Variants in LINGO2 observed in about 807,000 individuals in gnomAD.
The protein encoded by LINGO2 is leucine-rich repeat and immunoglobulin-like domain-containing nogo receptor-interacting protein 2.
LINGO2 carries 14 observed loss-of-function variants against 30.6 expected under a neutral mutation model. The ratio of observed to expected loss-of-function variants is 0.46; its 90% CI spans 0.30 to 0.72. The LOEUF is 0.72. LINGO2 is among the 30% of genes least tolerant of loss of function. LINGO2 has a pLI of 0.07. For synonymous variants in LINGO2, 317 were observed against 288.5 expected (o/e 1.10, Z -1.00); for missense variants, 729 against 751.7 (o/e 0.97, Z 0.35).
chr9:28,670,053 G>A (rs1274138384), intron 1 of LINGO2, 147 bp downstream of exon 3: 1 of 150,980 alleles, frequency 6.6e-6, no homozygotes, highest in East Asian at 1.9e-4. Context: ...CAAATTAGAG[G>A]AACTAATTAA....
chr9:28,243,808 G>C (rs1455170962), intron 4 of LINGO2, among the ~76,000 whole-genome samples: 1 of 152,072 alleles, frequency 6.6e-6, no homozygotes, highest in Admixed American at 6.6e-5. Flanking sequence ...CAATACAAGA[G>C]CACCCAGATT....
At chr9:28,399,401 G>T (rs902369112) in intron 2 of LINGO2, among the ~76,000 whole-genome samples, 3 of 152,092 alleles carry the variant, frequency 2.0e-5, no homozygotes, top group Non-Finnish European at 4.4e-5. Flanking sequence ...AATATTGGAA[G>T]TGTTAGACTG....
the LINGO2 span, among the ~76,000 whole-genome samples, chr9:28,731,518 T>G: frequency 6.6e-6 from 1 of 152,124 alleles, no homozygotes; most frequent in East Asian, 1.9e-4. Flanking sequence ...AACAGCTTAA[T>G]TGCTGCCAGG....
the LINGO2 span, among the ~76,000 whole-genome samples, chr9:29,018,922 A>G: frequency 1.3e-5 from 2 of 152,286 alleles, no homozygotes; most frequent in African/African-American, 4.8e-5. Flanking sequence ...ATGAGCAAAA[A>G]GACTTGAAGA....
intron 2 of LINGO2, among the ~76,000 whole-genome samples, chr9:28,441,803 T>G (rs1388372121): frequency 6.6e-6 from 1 of 152,182 alleles, no homozygotes; most frequent in Non-Finnish European, 1.5e-5. Flanking sequence ...AGTCACCTAT[T>G]ACTTGAGATT....
chr9:28,147,153 T>C lies in LINGO2; in HGVS notation c.-86-134748A>G, dbSNP rs530274917. On this transcript the variant is annotated intron_variant, in intron 4 of 5. Transcript: ENST00000379992. The surrounding 1 kb of genome is among the most constrained non-coding windows in gnomAD (Gnocchi z 4.7). ...GTGAAGACCTCCTTCGAGGTGTTCATGTGCTTATTACAGATATGCCATGGT... is the reference window on the plus strand; with the variant it reads ...GTGAAGACCTCCTTCGAGGTGTTCACGTGCTTATTACAGATATGCCATGGT... 1.3e-5 allele frequency among the ~76,000 whole-genome samples: 2 copies of C among 152,324 alleles called. No homozygotes were observed. Among genetic ancestry groups the C allele is most frequent in the South Asian group, 2.1e-4 (1 of 4,824 alleles).
At chr9:28,450,695 C>G (rs577732288) in intron 2 of LINGO2, among the ~76,000 whole-genome samples, 1 of 152,090 alleles carries the variant, frequency 6.6e-6, no homozygotes, top group African/African-American at 2.4e-5. Context: ...TCAATCCATG[C>G]CGTATGTCAA....
chr9:29,164,523 C>A, the LINGO2 span, among the ~76,000 whole-genome samples: 1 of 127,456 alleles, frequency 7.8e-6, no homozygotes, highest in Admixed American at 1.1e-4. Flanking sequence ...AGGGATACTA[C>A]TTGAAACATA....
Position 28,220,450 on chromosome 9 carries a change from A to T in LINGO2, c.-87+74758T>A, listed in dbSNP as rs535431638. Among the ~76,000 whole-genome samples, 533 of 152,318 alleles carry T rather than the reference A, an allele frequency of 3.5e-3. 3 individuals are homozygous for T. Among genetic ancestry groups the T allele is most frequent in the African/African-American group, 0.012 (515 of 41,570 alleles). Reference sequence around the variant, plus strand: ...CCAGGAGCACACAGTAGGATGTCATATAAACAGATCCAAATGAAGAATAAA... The same window carrying T: ...CCAGGAGCACACAGTAGGATGTCATTTAAACAGATCCAAATGAAGAATAAA... On this transcript the variant is annotated intron_variant, in intron 4 of 5. Transcript: ENST00000379992.
chr9:28,015,723 A>T (rs1822796488), intron 4 of LINGO2, among the ~76,000 whole-genome samples: 1 of 152,158 alleles, frequency 6.6e-6, no homozygotes, highest in Non-Finnish European at 1.5e-5. Context: ...AATCACAATT[A>T]GAGCTATCTT....
At chr9:28,245,941 A>C (rs1306785530) in intron 4 of LINGO2, among the ~76,000 whole-genome samples, 1 of 152,152 alleles carries the variant, frequency 6.6e-6, no homozygotes, top group Non-Finnish European at 1.5e-5. Flanking sequence ...AGAAAAAAAA[A>C]CTACTTTAAA....
chr9:28,751,115 A>T, the LINGO2 span, among the ~76,000 whole-genome samples: 1 of 151,672 alleles, frequency 6.6e-6, no homozygotes, highest in Non-Finnish European at 1.5e-5. Context: ...AATAAAAAAT[A>T]TATACATATA....
the LINGO2 span, among the ~76,000 whole-genome samples, chr9:28,926,358 T>A: frequency 6.6e-6 from 1 of 152,060 alleles, no homozygotes; most frequent in Non-Finnish European, 1.5e-5. Context: ...GCTTCATAGA[T>A]CAGAATAACT....
At chr9:28,765,400 T>C in the LINGO2 span, among the ~76,000 whole-genome samples, 1 of 152,076 alleles carries the variant, frequency 6.6e-6, no homozygotes. Flanking sequence ...TGGATATGGT[T>C]GTCCACACCA....
intron 1 of LINGO2, among the ~76,000 whole-genome samples, chr9:28,590,180 T>G (rs1336059108): frequency 2.6e-5 from 4 of 151,224 alleles, no homozygotes; most frequent in Non-Finnish European, 4.4e-5. Context: ...CCTTACATGT[T>G]AGACCTAAAA....
chr9:27,962,071 T>A (rs1819875250), intron 5 of LINGO2, among the ~76,000 whole-genome samples: 1 of 152,166 alleles, frequency 6.6e-6, no homozygotes. Flanking sequence ...TTGTAATAGC[T>A]TTTAGAATTT....
At chr9:28,784,010 CG>C in the LINGO2 span, among the ~76,000 whole-genome samples, 9 of 152,204 alleles carry the variant, frequency 5.9e-5, no homozygotes, top group East Asian at 1.5e-3. Context: ...TAATTATCTT[CG>C]AAAGTCCCCA....
chr9:29,013,002 GC>G, the LINGO2 span, among the ~76,000 whole-genome samples: 5 of 152,134 alleles, frequency 3.3e-5, no homozygotes, highest in African/African-American at 1.2e-4. Context: ...CTTAATATCA[GC>G]CATCCCAAGA....
chr9:28,192,283 A>G (rs1819850403), intron 4 of LINGO2, among the ~76,000 whole-genome samples: 1 of 152,132 alleles, frequency 6.6e-6, no homozygotes, highest in African/African-American at 2.4e-5. Flanking sequence ...ATACATATGT[A>G]TAAACAGAGT....
Sources: gnomAD v4.1 joint callset for allele counts (sites outside exome capture counted in the v4.1 genomes callset) on GRCh38, gnomAD v4.1.1 for gene constraint, Gnocchi (gnomAD v3.1) non-coding constraint, MANE v1.5 for transcripts, NCBI Gene and HGNC (gene_info 2026-07-23, HGNC 2026-07-21) for gene names.